The following MB21D2 variants were observed in gnomAD, a reference collection of about 807,000 sequenced individuals.
The protein encoded by MB21D2 is nucleotidyltransferase MB21D2.
In MB21D2, 9 loss-of-function variants were observed where a neutral mutation model predicts 33.3. The ratio of observed to expected loss-of-function variants is 0.27; its 90% CI spans 0.16 to 0.47. The LOEUF (loss-of-function observed/expected upper bound fraction) is 0.47, where lower values mean the gene tolerates loss of function less well. Ranked by LOEUF, MB21D2 falls within the 20% of genes least tolerant of loss-of-function variation. The pLI is 0.99. For synonymous variants in MB21D2, 241 were observed against 236.3 expected (o/e 1.02, Z -0.18); for missense variants, 540 against 624.6 (o/e 0.86, Z 1.44).
intron 1 of MB21D2, among the ~76,000 whole-genome samples, chr3:192,900,066 C>T (rs1288255481): frequency 6.6e-6 from 1 of 151,810 alleles, no homozygotes; most frequent in East Asian, 1.9e-4. Context: ...GGGCGGATCA[C>T]GAGGTCAGGA....
In MB21D2 at chr3:192,865,079, A is replaced by G. The variant is rs191892794; in HGVS notation, c.211+52551T>C. On this transcript the variant is annotated intron_variant, in intron 1 of 1. Coordinates refer to ENST00000392452, the MANE Select transcript of MB21D2 (RefSeq NM_178496.4). Reference sequence around the variant, plus strand: ...GCCTACAGAGAAGGGAGAGGCTGAAATGAAAGTAACAGCTGCTTCTCAACG... The same window carrying G: ...GCCTACAGAGAAGGGAGAGGCTGAAGTGAAAGTAACAGCTGCTTCTCAACG... 7.8e-3 allele frequency among the ~76,000 whole-genome samples: 1,189 copies of G among 152,348 alleles called. 6 individuals carry two copies. The highest frequency in any genetic ancestry group is 0.013 in the Non-Finnish European group (914 of 68,040).
intron 1 of MB21D2, among the ~76,000 whole-genome samples, chr3:192,908,038 C>T (rs562937488): frequency 1.1e-4 from 16 of 152,112 alleles, no homozygotes; most frequent in Non-Finnish European, 2.1e-4. Flanking sequence ...TAGGATAGGT[C>T]TTAAGGAATG....
At chr3:192,870,022 T>C (rs1187915034) in intron 1 of MB21D2, among the ~76,000 whole-genome samples, 1 of 152,222 alleles carries the variant, frequency 6.6e-6, no homozygotes, top group East Asian at 1.9e-4. Context: ...CTGAGACTTA[T>C]CAGAAAGCCT....
intron 1 of MB21D2, among the ~76,000 whole-genome samples, chr3:192,834,413 A>G (rs1030340395): frequency 4.4e-5 from 5 of 112,506 alleles, no homozygotes; most frequent in Non-Finnish European, 8.4e-5. Context: ...AATTTTCCCC[A>G]GTTATATCAA....
Position 192,845,857 on chromosome 3 carries a change from T to G in MB21D2, c.212-46207A>C, listed in dbSNP as rs1001335078. On this transcript the variant is annotated intron_variant, in intron 1 of 1. Transcript: ENST00000392452. ...ACTTTGGGAGACTGAGGTAGGGGGA[T>G]TGCTTGAGGCCAGGAGTTCGAGATC... Among the ~76,000 whole-genome samples the G allele has an allele frequency of 5.3e-5, 8 of 152,206 alleles. No individual in the cohort carries two copies. In the East Asian group the frequency reaches 1.5e-3, roughly 29 times the overall value.
intron 1 of MB21D2, among the ~76,000 whole-genome samples, chr3:192,813,834 T>C (rs1039794017): frequency 1.3e-5 from 2 of 152,142 alleles, no homozygotes; most frequent in African/African-American, 4.8e-5. Flanking sequence ...AAATGTAAGG[T>C]GTGCTCTATT....
intron 1 of MB21D2, among the ~76,000 whole-genome samples, chr3:192,886,991 G>GA (rs11395740): frequency 0.13 from 18,888 of 144,578 alleles, 1,975 homozygotes; most frequent in African/African-American, 0.29. Context: ...TTAAGGAAAG[G>GA]AAAAAAAAAA....
At chr3:192,863,278 C>G (rs1713089285) in intron 1 of MB21D2, among the ~76,000 whole-genome samples, 1 of 152,188 alleles carries the variant, frequency 6.6e-6, no homozygotes, top group Admixed American at 6.5e-5. Flanking sequence ...GACTTCCAGA[C>G]TCCAGAACTG....
At chr3:192,835,992 G>C (rs1712429592) in intron 1 of MB21D2, among the ~76,000 whole-genome samples, 1 of 152,148 alleles carries the variant, frequency 6.6e-6, no homozygotes. Flanking sequence ...TTCTAAGCTG[G>C]GTGTCTCTGA....
intron 1 of MB21D2, among the ~76,000 whole-genome samples, chr3:192,917,175 G>A (rs778520044): frequency 2.0e-5 from 3 of 152,180 alleles, no homozygotes; most frequent in Non-Finnish European, 4.4e-5. Context: ...CCAGAGCCCT[G>A]AGCCGTCTCC....
rs71635401 is a variant in MB21D2 at position 192,901,413 on chromosome 3, CAAA to C, written c.211+16214_211+16216del. Among the ~76,000 whole-genome samples the C allele has an allele frequency of 5.2e-3, 523 of 100,836 alleles. 3 individuals are homozygous for C. The highest frequency in any genetic ancestry group is 0.018 in the African/African-American group (481 of 26,380). 66.2% of individuals were successfully genotyped at this position (100,836 alleles called of 152,430 possible). A position where few individuals can be genotyped will look rare whatever the true frequency, so the allele number is the denominator to read the frequency against. ...TGAAACCCCGTCTCTACTAAAAATTCAAAAAAAAAAAAAAAAAAAAAGACTTTA... is the reference window on the plus strand; with the variant it reads ...TGAAACCCCGTCTCTACTAAAAATTCAAAAAAAAAAAAAAAAAAGACTTTA... On this transcript the variant is annotated intron_variant, in intron 1 of 1. Coordinates refer to ENST00000392452, the MANE Select transcript of MB21D2 (RefSeq NM_178496.4).
Position 192,799,126 on chromosome 3 carries a change from C to T in MB21D2, c.736G>A (p.Ala246Thr). The change falls in exon 2 of 2, where the codon GCA becomes ACA. Residue 246 changes from alanine (A) to threonine (T), a missense_variant. Coordinates refer to ENST00000392452, the MANE Select transcript of MB21D2 (RefSeq NM_178496.4). This position sits in a 1 kb window ranked among gnomAD's most constrained non-coding sequence, Gnocchi z 4.1. ...VPVVSFKGWP[A>T]VAQSWLMENH... ...TCCATGAGCCAGCTCTGGGCCACTG[C>T]AGGCCAACCTTTGAAAGATACCACA... 1 of 1,614,174 alleles carries T rather than the reference C, an allele frequency of 6.2e-7. No individual in the cohort carries two copies. Among genetic ancestry groups the T allele is most frequent in the African/African-American group, 1.3e-5 (1 of 75,060 alleles).
At chr3:192,897,691 T>G (rs1209766343) in intron 1 of MB21D2, among the ~76,000 whole-genome samples, 2 of 152,044 alleles carry the variant, frequency 1.3e-5, no homozygotes, top group Non-Finnish European at 2.9e-5. Flanking sequence ...ATCTGACGTA[T>G]GTAAAATAAA....
chr3:192,913,497 A>G (rs1198053563), intron 1 of MB21D2, among the ~76,000 whole-genome samples: 1 of 152,186 alleles, frequency 6.6e-6, no homozygotes, highest in African/African-American at 2.4e-5. Flanking sequence ...AACAGTTCTG[A>G]AAAACAATGC....
intron 1 of MB21D2, among the ~76,000 whole-genome samples, chr3:192,834,184 G>T (rs1712381401): frequency 6.6e-6 from 1 of 151,970 alleles, no homozygotes. Context: ...GGGCATGGTG[G>T]CTCACACCTA....
intron 1 of MB21D2, 88 bp downstream of exon 1, chr3:192,917,542 A>AAG: frequency 1.1e-5 from 16 of 1,410,374 alleles, no homozygotes; most frequent in Non-Finnish European, 1.6e-5. Flanking sequence ...CCCAGAAGGG[A>AAG]AGAGGTCGAG....
At chr3:192,834,032 T>G (rs1025348326) in intron 1 of MB21D2, among the ~76,000 whole-genome samples, 3 of 152,188 alleles carry the variant, frequency 2.0e-5, no homozygotes, top group African/African-American at 7.2e-5. Context: ...TCTCAGTTCA[T>G]TCATCTTTGA....
At chr3:192,890,103 C>T (rs577785079) in intron 1 of MB21D2, among the ~76,000 whole-genome samples, 26 of 152,156 alleles carry the variant, frequency 1.7e-4, no homozygotes, top group Admixed American at 3.9e-4. Context: ...CAAGAGCAAC[C>T]TTTTCTTGAC....
chr3:192,829,155 A>G (rs971406822), intron 1 of MB21D2, among the ~76,000 whole-genome samples: 1 of 152,318 alleles, frequency 6.6e-6, no homozygotes, highest in Admixed American at 6.5e-5. Context: ...CATATAAATG[A>G]CACAGTACGT....
Sources: allele counts gnomAD v4.1 joint callset (sites outside exome capture counted in the v4.1 genomes callset), GRCh38; gene constraint gnomAD v4.1.1; non-coding constraint Gnocchi (gnomAD v3.1); transcripts MANE v1.5; gene names NCBI Gene and HGNC (gene_info 2026-07-23, HGNC 2026-07-21).